SLC25A48: variants seen among roughly 807,000 people sequenced by gnomAD.
SLC25A48 encodes the protein solute carrier family 25 member 48.
A neutral mutation model predicts 32.2 loss-of-function variants in SLC25A48; 29 were observed. The ratio of observed to expected loss-of-function variants is 0.90; its 90% CI spans 0.67 to 1.23. The LOEUF (loss-of-function observed/expected upper bound fraction) is 1.23, where lower values mean the gene tolerates loss of function less well. SLC25A48 is among the 50% of genes most tolerant of loss of function. The probability of loss-of-function intolerance (pLI) is 0.00; values close to 1 mark genes in which losing one functional copy is unlikely to be tolerated. For synonymous variants in SLC25A48, 164 were observed against 172.3 expected (o/e 0.95, Z 0.38); for missense variants, 399 against 422.7 (o/e 0.94, Z 0.49).
intron 3 of SLC25A48, among the ~76,000 whole-genome samples, chr5:135,754,154 A>C (rs145206016): frequency 5.4e-4 from 82 of 152,000 alleles, no homozygotes; most frequent in Non-Finnish European, 1.8e-4. Context: ...GTGTACCCTT[A>C]CTGTGACAGT....
intron 3 of SLC25A48, among the ~76,000 whole-genome samples, chr5:135,704,375 C>T (rs1256433302): frequency 1.3e-5 from 2 of 152,206 alleles, no homozygotes; most frequent in African/African-American, 4.8e-5. Flanking sequence ...TCTTATGCAT[C>T]AGCAGCATAG....
At chr5:135,625,935 G>A (rs1324209482) in intron 1 of SLC25A48, among the ~76,000 whole-genome samples, 1 of 152,154 alleles carries the variant, frequency 6.6e-6, no homozygotes, top group East Asian at 1.9e-4. Flanking sequence ...GGTATCTCCA[G>A]ACCCCAAGAA....
chr5:135,828,177 G>C (rs1758114400), intron 4 of SLC25A48, among the ~76,000 whole-genome samples: 1 of 152,232 alleles, frequency 6.6e-6, no homozygotes, highest in Admixed American at 6.5e-5. Flanking sequence ...TGGTGCAAAA[G>C]AGATCCCAGA....
intron 4 of SLC25A48, among the ~76,000 whole-genome samples, chr5:135,858,441 A>G (rs1395492602): frequency 6.6e-6 from 1 of 152,322 alleles, no homozygotes; most frequent in South Asian, 2.1e-4. Context: ...TGGACTGAAT[A>G]AGAATGGTCT....
intron 1 of SLC25A48, among the ~76,000 whole-genome samples, chr5:135,621,041 G>A (rs1225633585): frequency 6.6e-6 from 1 of 152,150 alleles, no homozygotes; most frequent in Admixed American, 6.5e-5. Flanking sequence ...GTTCCTCTTT[G>A]TGTAAGATGC....
At chr5:135,789,329 C>T (rs1257726894) in intron 3 of SLC25A48, among the ~76,000 whole-genome samples, 2 of 151,406 alleles carry the variant, frequency 1.3e-5, no homozygotes, top group African/African-American at 2.4e-5. Flanking sequence ...GGTATTACTC[C>T]CCATGTGGCG....
chr5:135,613,230 T>A (rs1202787818), intron 1 of SLC25A48, among the ~76,000 whole-genome samples: 1 of 152,188 alleles, frequency 6.6e-6, no homozygotes, highest in Non-Finnish European at 1.5e-5. Context: ...TTGAGAAACG[T>A]CTATTTAAGT....
intron 4 of SLC25A48, among the ~76,000 whole-genome samples, chr5:135,823,748 C>T (rs561109029): frequency 2.0e-5 from 3 of 152,284 alleles, no homozygotes; most frequent in South Asian, 4.1e-4. Context: ...TGCCACTAAG[C>T]CAGGGACATT....
chr5:135,640,555 A>G (rs895892664), intron 3 of SLC25A48, among the ~76,000 whole-genome samples: 12 of 152,176 alleles, frequency 7.9e-5, no homozygotes, highest in Non-Finnish European at 1.8e-4. Context: ...CTAAAGACCA[A>G]TATCCCTCTG....
At chr5:135,777,145 C>A (rs889445038) in intron 3 of SLC25A48, among the ~76,000 whole-genome samples, 38 of 151,218 alleles carry the variant, frequency 2.5e-4, no homozygotes, top group Non-Finnish European at 5.2e-4. Context: ...TCAAATATCA[C>A]AGGAACTGTA....
chr5:135,834,607 CCA>C, upstream of SLC25A48: 1 of 520,682 alleles, frequency 1.9e-6, no homozygotes, highest in East Asian at 3.1e-5. Context: ...CCTTATCCAC[CCA>C]GAGTGCTGTG....
chr5:135,809,713 T>C (rs1757551116), intron 3 of SLC25A48, among the ~76,000 whole-genome samples: 1 of 152,228 alleles, frequency 6.6e-6, no homozygotes, highest in African/African-American at 2.4e-5. Flanking sequence ...TTCCAGAATG[T>C]CATATAAATG....
At chr5:135,598,020 CA>C (rs1187385460) in intron 1 of SLC25A48, among the ~76,000 whole-genome samples, 2 of 68,518 alleles carry the variant, frequency 2.9e-5, no homozygotes, top group East Asian at 7.9e-4. Context: ...AAAATCAAAC[CA>C]AAAAACAAAC....
chr5:135,652,665 G>A (rs1753144700), intron 3 of SLC25A48, among the ~76,000 whole-genome samples: 1 of 152,248 alleles, frequency 6.6e-6, no homozygotes, highest in African/African-American at 2.4e-5. Flanking sequence ...TTGAGTCAGA[G>A]ACCATAATAT....
intron 3 of SLC25A48, among the ~76,000 whole-genome samples, chr5:135,730,192 C>T (rs1201370999): frequency 1.3e-5 from 2 of 152,196 alleles, no homozygotes; most frequent in African/African-American, 4.8e-5. Flanking sequence ...TAACAAACCT[C>T]TGCTGTTACT....
At chr5:135,731,094 G>T (rs544705490) in intron 3 of SLC25A48, among the ~76,000 whole-genome samples, 1 of 152,286 alleles carries the variant, frequency 6.6e-6, no homozygotes, top group South Asian at 2.1e-4. Flanking sequence ...AGTCCGAAAA[G>T]AGAGTCAGTG....
chr5:135,885,940 T>A (rs1206614699), intron 7 of SLC25A48, among the ~76,000 whole-genome samples: 2 of 152,178 alleles, frequency 1.3e-5, no homozygotes. Flanking sequence ...ATTTTCATTT[T>A]AAAATATATA....
chr5:135,595,193 C>T (rs1382583461), intron 1 of SLC25A48, among the ~76,000 whole-genome samples: 1 of 152,234 alleles, frequency 6.6e-6, no homozygotes, highest in Non-Finnish European at 1.5e-5. Flanking sequence ...CTCCCTTACC[C>T]TGCTCCACTC....
At chr5:135,771,932 A>G (rs544567036) in intron 3 of SLC25A48, among the ~76,000 whole-genome samples, 1 of 150,806 alleles carries the variant, frequency 6.6e-6, no homozygotes, top group East Asian at 2.0e-4. Flanking sequence ...AGTGTACAAC[A>G]TTCTGTAATA....
Sources: gnomAD v4.1 joint callset for allele counts (sites outside exome capture counted in the v4.1 genomes callset) on GRCh38, gnomAD v4.1.1 for gene constraint, MANE v1.5 for transcripts, NCBI Gene and HGNC (gene_info 2026-07-23, HGNC 2026-07-21) for gene names.